Variants in SNX14 observed in about 807,000 individuals in gnomAD.
The protein encoded by SNX14 is sorting nexin-14.
A neutral mutation model predicts 133.8 loss-of-function variants in SNX14; 93 were observed. That is an observed-to-expected ratio of 0.70 (90% CI 0.59 to 0.83). The LOEUF (loss-of-function observed/expected upper bound fraction) is 0.83. Among genes scored for constraint, SNX14 ranks in the 40% least tolerant of loss-of-function variants. The probability of loss-of-function intolerance (pLI) is 0.00; values close to 1 mark genes in which losing one functional copy is unlikely to be tolerated. For missense variants in SNX14, 945 were observed against 1,094.9 expected, an observed-to-expected ratio of 0.86 and a Z score of 1.93; for synonymous variants, 368 against 365.6, an observed-to-expected ratio of 1.01 and a Z score of -0.07.
At position 85,593,599 on chromosome 6, in the gene SNX14, G is replaced by A. The variant is rs762717549; in HGVS notation, c.120C>T (p.Ala40=). Residue 40 remains alanine, a synonymous_variant, in exon 1 of 29, where the codon GCC becomes GCT. Transcript: ENST00000314673. ...LFCFLLLCLS[A]ASLLLNRYIH... ...GTTACCTGTTAAGAAGCAGGGAGGC[G>A]GCGCTGAGACAGAGCAGCAGGAAGC... The A allele has an allele frequency of 6.2e-7, 1 of 1,612,502 alleles. No homozygotes were observed. The highest frequency in any genetic ancestry group is 1.3e-5 in the African/African-American group (1 of 75,030).
At chr6:85,551,584 T>C (rs577411530) in intron 7 of SNX14, among the ~76,000 whole-genome samples, 82 of 152,320 alleles carry the variant, frequency 5.4e-4, no homozygotes, top group Non-Finnish European at 1.0e-3. Context: ...GAAGGAACTT[T>C]TGCTATGAAA....
intron 21 of SNX14, among the ~76,000 whole-genome samples, chr6:85,518,342 T>C (rs919040039): frequency 2.0e-5 from 3 of 152,188 alleles, no homozygotes; most frequent in African/African-American, 7.2e-5. Context: ...GTTTATTACA[T>C]AATTTTGTCT....
chr6:85,576,545 C>T (rs1400249797), intron 1 of SNX14, among the ~76,000 whole-genome samples: 2 of 152,154 alleles, frequency 1.3e-5, no homozygotes, highest in South Asian at 2.1e-4. Context: ...GAACTGGGGT[C>T]CAACCAGTCT....
intron 15 of SNX14, among the ~76,000 whole-genome samples, chr6:85,541,440 A>T (rs1783727413): frequency 6.6e-6 from 1 of 152,196 alleles, no homozygotes; most frequent in African/African-American, 2.4e-5. Flanking sequence ...GAATAGATTT[A>T]TAGATTTGAT....
At chr6:85,575,557 G>A (rs1797066559) in intron 1 of SNX14, among the ~76,000 whole-genome samples, 1 of 152,118 alleles carries the variant, frequency 6.6e-6, no homozygotes. Context: ...ATGGACTTTG[G>A]CCCACAAATA....
rs181747116 is a variant in SNX14 at position 85,588,440 on chromosome 6, G to A, written c.140+5139C>T. Among the ~76,000 whole-genome samples, 297 of 152,048 alleles carry A rather than the reference G, an allele frequency of 2.0e-3. 4 individuals carry two copies. The highest frequency in any genetic ancestry group is 6.5e-3 in the African/African-American group (271 of 41,478). ...TACAAAAAAAAAATTAGCCGGGCGC[G>A]GTGGCGGGCGCCTGTAGTCCCAGCT... On this transcript the variant is annotated intron_variant, in intron 1 of 28. Coordinates refer to ENST00000314673, the MANE Select transcript of SNX14 (RefSeq NM_153816.6).
chr6:85,573,960 AAG>A (rs1315429918), intron 2 of SNX14, among the ~76,000 whole-genome samples: 5 of 152,190 alleles, frequency 3.3e-5, no homozygotes, highest in Non-Finnish European at 7.3e-5. Flanking sequence ...TAGCTCCTCT[AAG>A]AGAATTGTAT....
chr6:85,530,075 A>G, intron 19 of SNX14, 117 bp downstream of exon 19: 1 of 604,694 alleles, frequency 1.7e-6, no homozygotes, highest in East Asian at 3.2e-5. Flanking sequence ...ATACACAAGC[A>G]TCAATGTTGT....
chr6:85,513,790 A>C lies in SNX14; in HGVS notation c.2653+10T>G. The stretch of plus-strand genomic sequence containing the variant: ...CTATATGAAATTAAGTTACTTCTTA[A>C]ATATTACACCTGGAATGTAATTCAT... On this transcript the variant is annotated intron_variant, in intron 26 of 28. Coordinates refer to ENST00000314673, the MANE Select transcript of SNX14 (RefSeq NM_153816.6). 6.3e-7 allele frequency: 1 copy of C among 1,586,140 alleles called. No homozygotes were observed. The highest frequency in any genetic ancestry group is 8.6e-7 in the Non-Finnish European group (1 of 1,156,900).
chr6:85,571,616 G>A (rs1254924572), intron 4 of SNX14, among the ~76,000 whole-genome samples: 1 of 152,170 alleles, frequency 6.6e-6, no homozygotes, highest in African/African-American at 2.4e-5. Flanking sequence ...CAAATCCACT[G>A]AGAAGACAAG....
At chr6:85,535,753 T>C (rs1781762829) in intron 17 of SNX14, among the ~76,000 whole-genome samples, 1 of 152,120 alleles carries the variant, frequency 6.6e-6, no homozygotes, top group Non-Finnish European at 1.5e-5. Flanking sequence ...GACCCTTACA[T>C]GAAGGCAATG....
chr6:85,574,316 G>GAGCA lies in SNX14; in HGVS notation c.199_202dup (p.Ser68LeufsTer6). The GAGCA allele has an allele frequency of 6.3e-7, 1 of 1,593,960 alleles. No individual in the cohort carries two copies. The highest frequency in any genetic ancestry group is 8.6e-7 in the Non-Finnish European group (1 of 1,163,950). ...TGGTAAGAGAGAATCAGGTCCTAGT[G>GAGCA]AGCAGTAGAATGTGACAACTCCAGC... is the stretch of plus-strand genomic sequence containing the variant. On this transcript the variant is annotated frameshift_variant, in exon 2 of 29. Coordinates refer to ENST00000314673, the MANE Select transcript of SNX14 (RefSeq NM_153816.6). LOFTEE classifies it high-confidence loss of function.
At position 85,593,743 on chromosome 6, in the gene SNX14, G is replaced by A. The variant is rs1473713290; in HGVS notation, c.-25C>T. The A allele has an allele frequency of 6.2e-7, 1 of 1,612,862 alleles. No individual in the cohort carries two copies. The highest frequency in any genetic ancestry group is 1.7e-5 in the Admixed American group (1 of 60,012). On this transcript the variant is annotated 5_prime_UTR_variant, in exon 1 of 29. Coordinates refer to ENST00000314673, the MANE Select transcript of SNX14 (RefSeq NM_153816.6). ...TCTCCGTAACGGCGAGGCCGAGACTGCGCTACTGGCTGAGGCAGAGGTCAA... is the reference window on the plus strand; with the variant it reads ...TCTCCGTAACGGCGAGGCCGAGACTACGCTACTGGCTGAGGCAGAGGTCAA...
chr6:85,576,454 T>C (rs181167518), intron 1 of SNX14, among the ~76,000 whole-genome samples: 1 of 152,300 alleles, frequency 6.6e-6, no homozygotes, highest in East Asian at 1.9e-4. Context: ...GGTTCAGGGA[T>C]GGACACCATC....
chr6:85,520,015 CAGTAGT>C (rs548244244), intron 21 of SNX14, among the ~76,000 whole-genome samples: 16 of 150,608 alleles, frequency 1.1e-4, no homozygotes, highest in Admixed American at 3.3e-4. Flanking sequence ...TGCTTTTATA[CAGTAGT>C]AGTAGTAGTA....
chr6:85,586,533 ATTG>A (rs1348593714), intron 1 of SNX14, among the ~76,000 whole-genome samples: 3 of 152,098 alleles, frequency 2.0e-5, no homozygotes, highest in Non-Finnish European at 4.4e-5. Flanking sequence ...TTAACCAATT[ATTG>A]TTAATTTTGT....
At chr6:85,554,141 TC>T (rs1450756208) in intron 7 of SNX14, among the ~76,000 whole-genome samples, 1 of 151,986 alleles carries the variant, frequency 6.6e-6, no homozygotes, top group Non-Finnish European at 1.5e-5. Context: ...AAAGGAAAGG[TC>T]CACAAAATCC....
At chr6:85,535,378 T>C (rs1191400077) in intron 17 of SNX14, among the ~76,000 whole-genome samples, 1 of 151,718 alleles carries the variant, frequency 6.6e-6, no homozygotes, top group African/African-American at 2.4e-5. Context: ...ACTTTGGGAC[T>C]ACAGGTGGGT....
At chr6:85,571,260 T>G (rs1386556839) in intron 4 of SNX14, among the ~76,000 whole-genome samples, 2 of 150,590 alleles carry the variant, frequency 1.3e-5, no homozygotes, top group East Asian at 2.0e-4. Context: ...CTCGGGAGGC[T>G]GACGCAGGAG....
Sources: allele counts gnomAD v4.1 joint callset (sites outside exome capture counted in the v4.1 genomes callset), GRCh38; gene constraint gnomAD v4.1.1; transcripts MANE v1.5; gene names NCBI Gene and HGNC (gene_info 2026-07-23, HGNC 2026-07-21).